Variants in ATRX observed in about 807,000 individuals in gnomAD.
ATRX encodes the protein ATRX chromatin remodeler, also known as chromatin remodeler ATRX.
ATRX carries 12 observed loss-of-function variants against 172.6 expected under a neutral mutation model. The observed-to-expected ratio is 0.07, with a 90% CI of 0.04 to 0.11. ATRX has a LOEUF of 0.11. Among genes scored for constraint, ATRX ranks in the 10% least tolerant of loss-of-function variants. The pLI is 1.00. For synonymous variants in ATRX, 674 were observed against 594.7 expected, an observed-to-expected ratio of 1.13 and a Z score of -1.94; for missense variants, 1,368 against 1,767.4, an observed-to-expected ratio of 0.77 and a Z score of 4.05.
intron 1 of ATRX, among the ~76,000 whole-genome samples, chrX:77,759,916 T>C (rs138090798): frequency 0.029 from 3,180 of 110,815 alleles, 62 homozygotes; most frequent in East Asian, 0.085. Context: ...CTATTATCAG[T>C]TCCATATGTG....
chrX:77,752,330 T>C (rs781951660), intron 1 of ATRX, among the ~76,000 whole-genome samples: 3 of 112,168 alleles, frequency 2.7e-5, no homozygotes, highest in African/African-American at 9.7e-5. Flanking sequence ...TGATTTTGTA[T>C]CCTGAGACTT....
At chrX:77,657,097 G>A (rs1557120252) in intron 12 of ATRX, among the ~76,000 whole-genome samples, 1 of 111,550 alleles carries the variant, frequency 9.0e-6, no homozygotes, top group Non-Finnish European at 1.9e-5. Context: ...TAGGCAGATT[G>A]GAGACTGAAA....
chrX:77,758,078 A>C (rs1160600217), intron 1 of ATRX, among the ~76,000 whole-genome samples: 1 of 111,848 alleles, frequency 8.9e-6, no homozygotes, highest in African/African-American at 3.2e-5. Flanking sequence ...TCCACTACAG[A>C]AAATGAAATA....
At chrX:77,639,447 A>G (rs1418024362) in intron 15 of ATRX, among the ~76,000 whole-genome samples, 1 of 112,042 alleles carries the variant, frequency 8.9e-6, no homozygotes, top group Non-Finnish European at 1.9e-5. Flanking sequence ...GCAAAACTCT[A>G]GTTAACATCT....
chrX:77,551,353 C>G (rs1156403755), intron 30 of ATRX, among the ~76,000 whole-genome samples: 3 of 111,635 alleles, frequency 2.7e-5, no homozygotes, highest in African/African-American at 9.8e-5. Context: ...CTGACAAAAA[C>G]AAGAAATGGG....
intron 34 of ATRX, among the ~76,000 whole-genome samples, chrX:77,514,285 A>C (rs2062980467): frequency 8.9e-6 from 1 of 112,292 alleles, no homozygotes; most frequent in Non-Finnish European, 1.9e-5. Flanking sequence ...CAACAAAAAA[A>C]AGGTTGAATA....
intron 27 of ATRX, among the ~76,000 whole-genome samples, chrX:77,582,332 A>G (rs1244615374): frequency 9.1e-6 from 1 of 109,325 alleles, no homozygotes; most frequent in African/African-American, 3.3e-5. Context: ...CCTGAGAGGC[A>G]GAGGTTGCAG....
At chrX:77,713,524 C>G (rs782128649) in intron 2 of ATRX, among the ~76,000 whole-genome samples, 1 of 111,329 alleles carries the variant, frequency 9.0e-6, no homozygotes, top group African/African-American at 3.3e-5. Context: ...AGAAATGATG[C>G]GGATTTGTAA....
chrX:77,748,794 C>G (rs1557186240), intron 1 of ATRX, among the ~76,000 whole-genome samples: 1 of 109,921 alleles, frequency 9.1e-6, no homozygotes, highest in East Asian at 2.9e-4. Flanking sequence ...GCCATGTTGG[C>G]CAGGCTGGTC....
At chrX:77,616,570 T>C in intron 22 of ATRX, 43 bp downstream of exon 22, 2 of 1,154,610 alleles carry the variant, frequency 1.7e-6, no homozygotes, top group Non-Finnish European at 2.4e-6. Flanking sequence ...GGAAAAAGAA[T>C]GTCTTTATAG....
In ATRX at chrX:77,654,220, C is replaced by T; in HGVS notation, c.4215-20G>A. On this transcript the variant is annotated intron_variant, in intron 13 of 34. Transcript: ENST00000373344. ...GCAGACCTGACGAAAATTTAAAACA[C>T]AAAATAAAATATTTCATGATAAACT... The T allele has an allele frequency of 1.8e-6, 2 of 1,132,481 alleles. No homozygotes were observed. The highest frequency in any genetic ancestry group is 3.6e-5 in the South Asian group (2 of 55,157). 93.3% of individuals were successfully genotyped at this position (1,132,481 alleles called of 1,213,427 possible). A position where few individuals can be genotyped will look rare whatever the true frequency, so the allele number is the denominator to read the frequency against.
intron 1 of ATRX, among the ~76,000 whole-genome samples, chrX:77,777,846 G>A (rs1557203213): frequency 3.6e-5 from 4 of 110,637 alleles, no homozygotes; most frequent in Admixed American, 1.9e-4. Context: ...TTTAAAAGTA[G>A]GTAATACTGG....
At chrX:77,633,770 TA>T in intron 17 of ATRX, 58 bp from the exon 18 acceptor site, 1 of 1,103,008 alleles carries the variant, frequency 9.1e-7, no homozygotes, top group Non-Finnish European at 1.2e-6. Flanking sequence ...TTTAATAAAT[TA>T]AGCAATCTTA....
In ATRX at chrX:77,557,415, G is replaced by A. The variant is rs45486598; in HGVS notation, c.6699+36C>T. 1.3e-5 allele frequency: 15 copies of A among 1,175,267 alleles called. No individual in the cohort carries two copies. In the Admixed American group the frequency reaches 1.8e-4, roughly 14 times the overall value. On this transcript the variant is annotated intron_variant, in intron 30 of 34. Coordinates refer to ENST00000373344, the MANE Select transcript of ATRX (RefSeq NM_000489.6). ...CAGTAGTAAAATTTCCTTAGTCCAC[G>A]TTGGTTTGTTAAGCCAATAATCTAA...
At chrX:77,539,536 T>C (rs2063887400) in intron 30 of ATRX, among the ~76,000 whole-genome samples, 1 of 107,611 alleles carries the variant, frequency 9.3e-6, no homozygotes. Context: ...AAATCCAGAA[T>C]GGAGGGTGAG....
At chrX:77,624,807 T>C (rs1391119212) in intron 19 of ATRX, among the ~76,000 whole-genome samples, 1 of 111,404 alleles carries the variant, frequency 9.0e-6, no homozygotes, top group African/African-American at 3.3e-5. Context: ...ATGGTGAAAA[T>C]GACCATACTG....
At chrX:77,677,379 C>G (rs781996644) in intron 9 of ATRX, among the ~76,000 whole-genome samples, 2 of 111,466 alleles carry the variant, frequency 1.8e-5, no homozygotes, top group East Asian at 2.8e-4. Context: ...TGATAAAGAA[C>G]AGATTACTAG....
At position 77,633,783 on chromosome X, in the gene ATRX, A is replaced by C. The variant is rs1227494634; in HGVS notation, c.4810-71T>G. ...AATTTAATAAATTAAGCAATCTTAC[A>C]ATATTATAGCTTTGTTTTGCTTAAA... On this transcript the variant is annotated intron_variant, in intron 17 of 34. Coordinates refer to ENST00000373344, the MANE Select transcript of ATRX (RefSeq NM_000489.6). 4 of 1,064,063 alleles carry C rather than the reference A, an allele frequency of 3.8e-6. No individual in the cohort carries two copies. In the East Asian group the frequency reaches 1.3e-4, roughly 35 times the overall value. 87.7% of individuals were successfully genotyped at this position (1,064,063 alleles called of 1,213,427 possible).
intron 19 of ATRX, among the ~76,000 whole-genome samples, chrX:77,625,441 A>G (rs2067788929): frequency 8.9e-6 from 1 of 112,897 alleles, no homozygotes; most frequent in Non-Finnish European, 1.9e-5. Context: ...AGGAACAGTC[A>G]GCAGAGTAAA....
Sources: allele counts gnomAD v4.1 joint callset (sites outside exome capture counted in the v4.1 genomes callset), GRCh38; gene constraint gnomAD v4.1.1; transcripts MANE v1.5; gene names NCBI Gene and HGNC (gene_info 2026-07-23, HGNC 2026-07-21).